CSTPP1: variants seen among roughly 807,000 people sequenced by gnomAD.
CSTPP1 encodes the protein centriolar satellite-associated tubulin polyglutamylase complex regulator 1, also known as UPF0705 protein C11orf49.
At chr11:47,060,975 T>C in the CSTPP1 span, among the ~76,000 whole-genome samples, 2 of 152,080 alleles carry the variant, frequency 1.3e-5, no homozygotes, top group African/African-American at 2.4e-5. Flanking sequence ...ATTTAAGAAG[T>C]TGGTTTGACA....
At chr11:47,139,772 G>T in the CSTPP1 span, among the ~76,000 whole-genome samples, 1 of 152,146 alleles carries the variant, frequency 6.6e-6, no homozygotes, top group Admixed American at 6.5e-5. Flanking sequence ...GCTCAGACGG[G>T]TGACAATGTT....
the CSTPP1 span, among the ~76,000 whole-genome samples, chr11:47,012,520 A>T: frequency 2.6e-5 from 4 of 152,138 alleles, no homozygotes; most frequent in East Asian, 7.7e-4. Flanking sequence ...GGGATAGGGG[A>T]TAGCAAAGCA....
chr11:47,114,349 A>G, the CSTPP1 span, among the ~76,000 whole-genome samples: 1 of 152,192 alleles, frequency 6.6e-6, no homozygotes, highest in Non-Finnish European at 1.5e-5. Context: ...TTGGTTCCAT[A>G]TGAACTTTAA....
the CSTPP1 span, among the ~76,000 whole-genome samples, chr11:47,050,921 A>G: frequency 6.6e-6 from 1 of 152,202 alleles, no homozygotes; most frequent in Non-Finnish European, 1.5e-5. Context: ...ATGAAAGGAG[A>G]AGAGTATATA....
At chr11:47,006,792 A>C in the CSTPP1 span, among the ~76,000 whole-genome samples, 23 of 141,898 alleles carry the variant, frequency 1.6e-4, no homozygotes, top group Admixed American at 1.4e-3. Flanking sequence ...GGGTCTTGCC[A>C]TCTTGCCCAG....
the CSTPP1 span, among the ~76,000 whole-genome samples, chr11:46,994,812 C>T: frequency 6.6e-6 from 1 of 152,132 alleles, no homozygotes; most frequent in Admixed American, 6.5e-5. Context: ...GGGAGGATTC[C>T]CTCTTTTTCT....
the CSTPP1 span, among the ~76,000 whole-genome samples, chr11:47,010,511 T>G: frequency 2.6e-5 from 4 of 152,186 alleles, no homozygotes; most frequent in African/African-American, 9.7e-5. Flanking sequence ...CCAAAGCTCC[T>G]TTGATTCCTG....
the CSTPP1 span, among the ~76,000 whole-genome samples, chr11:47,005,932 A>G: frequency 6.6e-6 from 1 of 152,194 alleles, no homozygotes; most frequent in Non-Finnish European, 1.5e-5. Context: ...TTGAGTGCCT[A>G]CGTCTTAGCG....
At chr11:47,007,313 G>A in the CSTPP1 span, among the ~76,000 whole-genome samples, 1 of 152,116 alleles carries the variant, frequency 6.6e-6, no homozygotes, top group African/African-American at 2.4e-5. Context: ...TTACAGTCAT[G>A]AGCCACCATG....
the CSTPP1 span, among the ~76,000 whole-genome samples, chr11:46,948,691 A>G: frequency 6.6e-6 from 1 of 152,202 alleles, no homozygotes; most frequent in African/African-American, 2.4e-5. Flanking sequence ...ATCATTTACA[A>G]TGCTGGTGCA....
chr11:47,055,453 A>G, the CSTPP1 span, among the ~76,000 whole-genome samples: 6 of 142,344 alleles, frequency 4.2e-5, no homozygotes, highest in Admixed American at 4.5e-4. Flanking sequence ...ATTCCCCACC[A>G]TGCTCTAATC....
the CSTPP1 span, chr11:47,164,346 T>C: frequency 6.1e-6 from 8 of 1,320,808 alleles, no homozygotes; most frequent in South Asian, 1.2e-4. Flanking sequence ...GGCTTTATTT[T>C]GACACCACTT....
the CSTPP1 span, among the ~76,000 whole-genome samples, chr11:46,964,472 A>T: frequency 6.5e-4 from 99 of 152,198 alleles, no homozygotes; most frequent in Admixed American, 1.7e-3. Flanking sequence ...TTTTTAGTAG[A>T]GACGGGGTTT....
the CSTPP1 span, among the ~76,000 whole-genome samples, chr11:47,040,157 C>G: frequency 2.3e-5 from 3 of 128,160 alleles, no homozygotes; most frequent in African/African-American, 7.4e-5. Flanking sequence ...ATGTGATGCA[C>G]TGAGAGGAAC....
chr11:47,009,759 G>A, the CSTPP1 span, among the ~76,000 whole-genome samples: 1 of 151,826 alleles, frequency 6.6e-6, no homozygotes. Flanking sequence ...AGTGACCCAA[G>A]ATCGCACTAC....
chr11:47,142,475 A>T, the CSTPP1 span, among the ~76,000 whole-genome samples: 1 of 152,038 alleles, frequency 6.6e-6, no homozygotes, highest in Non-Finnish European at 1.5e-5. Context: ...GCAAATGGGG[A>T]TACAGTCATG....
chr11:46,936,779 G>C, the CSTPP1 span: 2 of 1,609,992 alleles, frequency 1.2e-6, no homozygotes, highest in Non-Finnish European at 1.7e-6. Flanking sequence ...CGGAGAGCTG[G>C]AGCTTTGAAG....
chr11:47,119,677 G>A, the CSTPP1 span, among the ~76,000 whole-genome samples: 1 of 136,544 alleles, frequency 7.3e-6, no homozygotes, highest in East Asian at 2.1e-4. Flanking sequence ...AATGGTGCGA[G>A]CTCGGCTCAC....
At chr11:46,937,727 C>T in the CSTPP1 span, among the ~76,000 whole-genome samples, 1 of 151,872 alleles carries the variant, frequency 6.6e-6, no homozygotes, top group Non-Finnish European at 1.5e-5. Context: ...TTAATAGAGA[C>T]GGGGTTTCAC....
Sources: gnomAD v4.1 joint callset for allele counts (sites outside exome capture counted in the v4.1 genomes callset) on GRCh38, gnomAD v4.1.1 for gene constraint, MANE v1.5 for transcripts, NCBI Gene and HGNC (gene_info 2026-07-23, HGNC 2026-07-21) for gene names.